The following OGDH variants were observed in gnomAD, a reference collection of about 807,000 sequenced individuals.
OGDH encodes the protein 2-oxoglutarate dehydrogenase complex component E1.
In OGDH, 38 loss-of-function variants were observed where a neutral mutation model predicts 116.6. That is an observed-to-expected ratio of 0.33 (90% CI 0.25 to 0.43). The LOEUF is 0.43. Ranked by LOEUF, OGDH falls within the 20% of genes least tolerant of loss-of-function variation. The pLI is 1.00. For synonymous variants in OGDH, 488 were observed against 533.3 expected (o/e 0.92, Z 1.17); for missense variants, 825 against 1,357.2 (o/e 0.61, Z 6.16).
intron 1 of OGDH, among the ~76,000 whole-genome samples, chr7:44,616,057 C>T (rs1248699148): frequency 1.3e-5 from 2 of 151,762 alleles, no homozygotes; most frequent in African/African-American, 4.8e-5. Flanking sequence ...CCTCAATGCT[C>T]TTTCTTTGGG....
At chr7:44,701,323 C>T (rs911859715) in intron 19 of OGDH, among the ~76,000 whole-genome samples, 10 of 152,226 alleles carry the variant, frequency 6.6e-5, no homozygotes, top group South Asian at 4.1e-4. Flanking sequence ...ATGGGCCCTG[C>T]CAGGAGTGGA....
chr7:44,607,798 T>C (rs892474356), intron 1 of OGDH, among the ~76,000 whole-genome samples: 5 of 152,036 alleles, frequency 3.3e-5, no homozygotes, highest in Admixed American at 2.6e-4. Flanking sequence ...CCTTCCTGGG[T>C]TCAAGTGATT....
intron 1 of OGDH, among the ~76,000 whole-genome samples, chr7:44,612,870 C>CTTTTT (rs1396825682): frequency 1.5e-5 from 2 of 137,370 alleles, no homozygotes; most frequent in Non-Finnish European, 3.1e-5. Context: ...TGTTTTTTTT[C>CTTTTT]TTTTCTTTTC....
chr7:44,694,499 C>T lies in OGDH; in HGVS notation c.1591C>T (p.Arg531Cys), dbSNP rs780791649. Residue 531 changes from arginine (R) to cysteine (C), a missense_variant, in exon 12 of 23, where the codon CGC (arginine) becomes TGC (cysteine). Arg to Cys is a radical substitution (Grantham distance 180, BLOSUM62 -3). Transcript: ENST00000222673. The surrounding 1 kb of genome is among the most constrained non-coding windows in gnomAD (Gnocchi z 4.2). ...GCAGCCGCTCATGTACAAGCAGATC[C>T]GCAAGCAGAAGCCTGTGTTACAGAA... The part of the protein sequence containing the change: ...FTQPLMYKQI[R>C]KQKPVLQKYA... 38 of 1,613,806 alleles carry T rather than the reference C, an allele frequency of 2.4e-5. No homozygotes were observed. The highest frequency in any genetic ancestry group is 3.2e-5 in the Non-Finnish European group (38 of 1,180,010).
chr7:44,638,332 A>G (rs942300630), intron 2 of OGDH, among the ~76,000 whole-genome samples: 5 of 152,212 alleles, frequency 3.3e-5, no homozygotes, highest in Non-Finnish European at 7.3e-5. Context: ...AGTAAGGCCC[A>G]AATACCACAC....
At chr7:44,619,293 C>T (rs1013210969) in intron 1 of OGDH, among the ~76,000 whole-genome samples, 8 of 152,294 alleles carry the variant, frequency 5.3e-5, no homozygotes, top group Admixed American at 2.0e-4. Context: ...ACAAGTAAGA[C>T]AACTGGGGGC....
rs145131687 is a variant in OGDH, at chr7:44,682,496, G to A, written c.1335+648G>A. On this transcript the variant is annotated intron_variant, in intron 10 of 22. Transcript: ENST00000222673. The stretch of plus-strand genomic sequence containing the variant: ...GCAGATCACTTGAGGCCAGGAGTTC[G>A]AGACCAGCCTGGCCAACATGGAGAA... Among the ~76,000 whole-genome samples, 410 of 151,902 alleles carry A rather than the reference G, an allele frequency of 2.7e-3. 5 individuals are homozygous for A. Among genetic ancestry groups the A allele is most frequent in the African/African-American group, 9.2e-3 (382 of 41,404 alleles).
chr7:44,691,643 C>T (rs1788368956), intron 10 of OGDH, among the ~76,000 whole-genome samples: 1 of 151,720 alleles, frequency 6.6e-6, no homozygotes, highest in Admixed American at 6.6e-5. Flanking sequence ...TTTGGCAAAG[C>T]CATAGGAAGG....
chr7:44,611,519 C>T (rs974228873), intron 1 of OGDH, among the ~76,000 whole-genome samples: 2 of 151,932 alleles, frequency 1.3e-5, no homozygotes, highest in Admixed American at 1.3e-4. Context: ...TCGTGATCCC[C>T]CCCGCCTCGG....
chr7:44,629,603 C>T (rs1385285238), intron 2 of OGDH, among the ~76,000 whole-genome samples: 6 of 128,830 alleles, frequency 4.7e-5, no homozygotes, highest in African/African-American at 1.5e-4. Context: ...TTTTTTGAGA[C>T]GAGTCTCGCT....
rs564850223 is a variant in OGDH at position 44,606,955 on chromosome 7, C to T, written c.-28+302C>T. Among the ~76,000 whole-genome samples the T allele has an allele frequency of 5.3e-5, 8 of 152,034 alleles. No homozygotes were observed. In the South Asian group the frequency reaches 1.7e-3, roughly 32 times the overall value. On this transcript the variant is annotated intron_variant, in intron 1 of 22. Transcript: ENST00000222673. ...GGAGCGACGCGCCATTGGCGGTGGGCGAGCGGGGGGCGGGCGCGGCGGCGG... is the reference window on the plus strand; with the variant it reads ...GGAGCGACGCGCCATTGGCGGTGGGTGAGCGGGGGGCGGGCGCGGCGGCGG...
chr7:44,682,279 G>GA (rs977909534), intron 10 of OGDH, among the ~76,000 whole-genome samples: 35 of 152,012 alleles, frequency 2.3e-4, no homozygotes, highest in Non-Finnish European at 1.2e-4. Context: ...CAGCTGCTTG[G>GA]AAGGCTGAGG....
intron 2 of OGDH, among the ~76,000 whole-genome samples, chr7:44,638,819 G>T (rs1785790865): frequency 6.6e-6 from 1 of 152,236 alleles, no homozygotes; most frequent in Non-Finnish European, 1.5e-5. Context: ...GATGGGACAT[G>T]CTTTGACTCT....
At chr7:44,634,821 G>A (rs551990715) in intron 2 of OGDH, among the ~76,000 whole-genome samples, 13 of 152,314 alleles carry the variant, frequency 8.5e-5, no homozygotes, top group Non-Finnish European at 1.8e-4. Flanking sequence ...CCAGAGTCCA[G>A]CTCTACCATC....
Position 44,645,413 on chromosome 7 carries a change from C to T in OGDH, c.309C>T (p.Ser103=). The T allele has an allele frequency of 6.2e-7, 1 of 1,614,226 alleles. No individual in the cohort carries two copies. Among genetic ancestry groups the T allele is most frequent in the Non-Finnish European group, 8.5e-7 (1 of 1,180,042 alleles). Residue 103 remains serine (S), a synonymous_variant, in exon 3 of 23, where the codon TCC becomes TCT. Transcript: ENST00000222673. ...GTCCCCTTCCCCTGAGCCGAGGCTC[C>T]CTGGCTGCTGTGGCCCATGCACAGT... ...YQSPLPLSRG[S]LAAVAHAQSL... is the part of the protein sequence containing the mutation.
chr7:44,621,859 A>G (rs989367910), intron 1 of OGDH, among the ~76,000 whole-genome samples: 5 of 145,226 alleles, frequency 3.4e-5, no homozygotes, highest in African/African-American at 1.2e-4. Context: ...CTACAGAGCA[A>G]GACTCCGTAT....
At chr7:44,666,619 T>C (rs1198418488) in intron 4 of OGDH, 117 bp from the exon 5 acceptor site, 3 of 445,338 alleles carry the variant, frequency 6.7e-6, no homozygotes, top group East Asian at 6.8e-5. Context: ...TATATGATTT[T>C]TTTCTTCTCT....
chr7:44,616,693 GTATA>G (rs370023003), intron 1 of OGDH, among the ~76,000 whole-genome samples: 3 of 140,382 alleles, frequency 2.1e-5, no homozygotes, highest in African/African-American at 8.2e-5. Flanking sequence ...ATATGTATAT[GTATA>G]TATATACACA....
chr7:44,681,340 T>C (rs1192996730), intron 9 of OGDH, among the ~76,000 whole-genome samples: 1 of 152,156 alleles, frequency 6.6e-6, no homozygotes, highest in Non-Finnish European at 1.5e-5. Context: ...CTGCTCCTGG[T>C]TGGAGGAGCC....
Sources: allele counts gnomAD v4.1 joint callset (sites outside exome capture counted in the v4.1 genomes callset), GRCh38; gene constraint gnomAD v4.1.1; non-coding constraint Gnocchi (gnomAD v3.1); transcripts MANE v1.5; gene names NCBI Gene and HGNC (gene_info 2026-07-23, HGNC 2026-07-21).